The following FARP2 variants were observed in gnomAD, a reference collection of about 807,000 sequenced individuals.
The protein encoded by FARP2 is FERM, ARH/RhoGEF and pleckstrin domain protein 2, also known as FERM, ARHGEF and pleckstrin domain-containing protein 2.
Under a neutral mutation model 130.5 loss-of-function variants are expected in FARP2, and 111 were observed. That is an observed-to-expected ratio of 0.85 (90% CI 0.73 to 1.00). FARP2 has a LOEUF of 1.00. Among genes scored for constraint, FARP2 ranks in the 50% least tolerant of loss-of-function variants. The pLI is 0.00. For synonymous variants in FARP2, 504 were observed against 516.9 expected (o/e 0.98, Z 0.34); for missense variants, 1,385 against 1,346.3 (o/e 1.03, Z -0.45).
chr2:241,455,410 C>T (rs1242745365), intron 13 of FARP2, among the ~76,000 whole-genome samples: 1 of 151,560 alleles, frequency 6.6e-6, no homozygotes, highest in African/African-American at 2.4e-5. Context: ...GATGGAGTCT[C>T]ACTCTTGTTG....
chr2:241,476,069 C>A (rs560384910), intron 19 of FARP2, 82 bp downstream of exon 19: 3 of 1,367,762 alleles, frequency 2.2e-6, no homozygotes, highest in Admixed American at 2.1e-5. Context: ...ACAAAAGTCA[C>A]CATTTTAAAA....
intron 8 of FARP2, among the ~76,000 whole-genome samples, chr2:241,427,045 G>A (rs1418319733): frequency 1.3e-5 from 2 of 152,060 alleles, no homozygotes; most frequent in African/African-American, 4.8e-5. Context: ...GACCAGCCTG[G>A]CCAACATGGT....
intron 2 of FARP2, among the ~76,000 whole-genome samples, chr2:241,388,019 T>G (rs569070971): frequency 3.3e-5 from 5 of 152,298 alleles, no homozygotes; most frequent in Non-Finnish European, 7.4e-5. Context: ...ACAGATTCAA[T>G]ATGATTTCCA....
intron 16 of FARP2, 108 bp from the exon 17 acceptor site, chr2:241,463,791 A>G (rs2150475933): frequency 1.0e-6 from 1 of 986,700 alleles, no homozygotes; most frequent in East Asian, 2.6e-5. Context: ...TCAGAGCTTC[A>G]CCACCTTCCT....
chr2:241,493,640 G>C, intron 26 of FARP2, 196 bp downstream of exon 26: 1 of 593,074 alleles, frequency 1.7e-6, no homozygotes, highest in Non-Finnish European at 3.0e-6. Flanking sequence ...TGTCACTCAG[G>C]CTGGAGTGCA....
chr2:241,436,280 T>A (rs944832272), intron 11 of FARP2, among the ~76,000 whole-genome samples: 1 of 152,196 alleles, frequency 6.6e-6, no homozygotes, highest in Non-Finnish European at 1.5e-5. Flanking sequence ...AGTGTGGGTG[T>A]GTAATCTTAC....
chr2:241,357,313 G>A lies in FARP2; in HGVS notation c.-25+925G>A, dbSNP rs3771548. Among the ~76,000 whole-genome samples the A allele has an allele frequency of 0.012, 1,818 of 152,184 alleles. 127 individuals are homozygous for A. The East Asian group carries it at 0.17, about 14-fold the overall frequency. ...AACCCTGAGGTGGCAGTGGGTTAGC[G>A]TGTTGGTCTTGTGTAGACTGCCTTA... On this transcript the variant is annotated intron_variant, in intron 1 of 26. Coordinates refer to ENST00000264042, the MANE Select transcript of FARP2 (RefSeq NM_014808.4).
intron 13 of FARP2, among the ~76,000 whole-genome samples, chr2:241,454,155 G>A (rs1013273104): frequency 1.5e-4 from 23 of 151,992 alleles, no homozygotes; most frequent in African/African-American, 4.4e-4. Flanking sequence ...CCCCAGCAGC[G>A]TCATAGCAGC....
At chr2:241,393,388 C>T (rs1286076848) in intron 2 of FARP2, among the ~76,000 whole-genome samples, 1 of 151,944 alleles carries the variant, frequency 6.6e-6, no homozygotes. Flanking sequence ...ATGTGAGAAC[C>T]CAAGATTTGA....
chr2:241,462,017 A>G (rs1356502209), intron 14 of FARP2, among the ~76,000 whole-genome samples: 3 of 152,158 alleles, frequency 2.0e-5, no homozygotes, highest in Non-Finnish European at 4.4e-5. Flanking sequence ...CCTGCCAGCT[A>G]TAGGATCGCT....
At chr2:241,416,963 TA>T (rs2062689508) in intron 7 of FARP2, among the ~76,000 whole-genome samples, 2 of 151,680 alleles carry the variant, frequency 1.3e-5, no homozygotes, top group African/African-American at 4.8e-5. Flanking sequence ...AAAACGGGTT[TA>T]TAAGACACAA....
chr2:241,425,938 A>G (rs73004362), intron 8 of FARP2, among the ~76,000 whole-genome samples: 1 of 140,568 alleles, frequency 7.1e-6, no homozygotes, highest in African/African-American at 2.9e-5. Context: ...TTTTTTTTTT[A>G]AATTTGGTGT....
chr2:241,419,825 A>G (rs940936003), intron 8 of FARP2, among the ~76,000 whole-genome samples: 10 of 152,310 alleles, frequency 6.6e-5, no homozygotes, highest in East Asian at 1.9e-4. Context: ...CTTGTTTGTG[A>G]TAGTAAAATT....
intron 9 of FARP2, among the ~76,000 whole-genome samples, 165 bp from the exon 10 acceptor site, chr2:241,433,993 G>A (rs925953688): frequency 4.6e-5 from 7 of 152,054 alleles, no homozygotes; most frequent in African/African-American, 7.2e-5. Context: ...CCAAGATCAC[G>A]CCATTGCACT....
chr2:241,491,630 G>A lies in FARP2; in HGVS notation c.2738G>A (p.Trp913Ter), dbSNP rs1186215850. 1.9e-6 allele frequency: 3 copies of A among 1,613,460 alleles called. No individual in the cohort carries two copies. The highest frequency in any genetic ancestry group is 3.3e-4 in the Middle Eastern group (2 of 6,050). Residue 913 changes from tryptophan to a stop codon, truncating the protein, a stop_gained, in exon 24 of 27, where the codon TGG becomes TAG. Coordinates refer to ENST00000264042, the MANE Select transcript of FARP2 (RefSeq NM_014808.4). LOFTEE classifies it high-confidence loss of function. ...HRANTTMHVC[W>*]YRNTSVSRAD... ...GCCAACACCACAATGCACGTGTGCT[G>A]GTACCGGAACACCAGCGTGTCCAGG...
At chr2:241,449,703 A>C (rs2063600068) in intron 13 of FARP2, among the ~76,000 whole-genome samples, 1 of 151,754 alleles carries the variant, frequency 6.6e-6, no homozygotes, top group South Asian at 2.1e-4. Context: ...TGCCACAAAG[A>C]AAATCACCTG....
At chr2:241,406,351 GTCTC>G (rs1185845636) in intron 4 of FARP2, among the ~76,000 whole-genome samples, 1 of 149,556 alleles carries the variant, frequency 6.7e-6, no homozygotes, top group Non-Finnish European at 1.5e-5. Context: ...GGGAAAAAAT[GTCTC>G]TCTCTCTCTC....
chr2:241,405,106 T>C (rs2062299162), intron 4 of FARP2: 1 of 297,298 alleles, frequency 3.4e-6, no homozygotes, highest in Admixed American at 4.7e-5. Flanking sequence ...TATGCAAAAA[T>C]AACTGCAGTT....
intron 2 of FARP2, among the ~76,000 whole-genome samples, chr2:241,383,263 T>G (rs1481515941): frequency 6.6e-6 from 1 of 152,160 alleles, no homozygotes; most frequent in African/African-American, 2.4e-5. Flanking sequence ...GTGGACAAGG[T>G]ATACTGCGAA....
Sources: gnomAD v4.1 joint callset for allele counts (sites outside exome capture counted in the v4.1 genomes callset) on GRCh38, gnomAD v4.1.1 for gene constraint, MANE v1.5 for transcripts, NCBI Gene and HGNC (gene_info 2026-07-23, HGNC 2026-07-21) for gene names.